Variants in MBTPS2 observed in about 807,000 individuals in gnomAD.
MBTPS2 encodes the protein membrane-bound transcription factor site-2 protease.
Under a neutral mutation model 35.4 loss-of-function variants are expected in MBTPS2, and 2 were observed. The observed-to-expected ratio is 0.06, with a 90% confidence interval of 0.02 to 0.18. The LOEUF is 0.18. MBTPS2 is among the 10% of genes least tolerant of loss of function. The probability of loss-of-function intolerance (pLI) is 1.00; values close to 1 mark genes in which losing one functional copy is unlikely to be tolerated. For missense variants in MBTPS2, 244 were observed against 386.5 expected, an observed-to-expected ratio of 0.63 and a Z score of 3.09; for synonymous variants, 125 against 140.4, an observed-to-expected ratio of 0.89 and a Z score of 0.77.
At chrX:21,865,962 T>G (rs1023930266) in intron 5 of MBTPS2, among the ~76,000 whole-genome samples, 4 of 111,431 alleles carry the variant, frequency 3.6e-5, no homozygotes, top group Non-Finnish European at 7.5e-5. Flanking sequence ...TTTTGTTTGT[T>G]TGTTTGTTTT....
Position 21,883,255 on chromosome X carries a change from TG to T in MBTPS2, c.*601del, listed in dbSNP as rs771208532. 1.3e-6 allele frequency: 1 copy of T among 756,465 alleles called. No homozygotes were observed. The highest frequency in any genetic ancestry group is 1.5e-4 in the East Asian group (1 of 6,796). The allele number at this position is 756,465 out of a possible 1,213,427, so 62.3% of individuals were successfully genotyped here. A position where few individuals can be genotyped will look rare whatever the true frequency, so the allele number is the denominator to read the frequency against. ...TCTTTGTCAAATGATACCAAATAAA[TG>T]AACAAAACAGGAAGTAGGGCCTATG... On this transcript the variant is annotated 3_prime_UTR_variant, in exon 11 of 11. Transcript: ENST00000379484.
intron 2 of MBTPS2, among the ~76,000 whole-genome samples, chrX:21,844,506 C>G (rs963911897): frequency 1.9e-4 from 21 of 111,564 alleles, no homozygotes; most frequent in Non-Finnish European, 2.3e-4. Context: ...ACAGTGGGAC[C>G]CTGTCTCAAA....
intron 5 of MBTPS2, among the ~76,000 whole-genome samples, chrX:21,864,852 GT>G (rs1298436063): frequency 1.6e-3 from 161 of 103,833 alleles, no homozygotes; most frequent in Non-Finnish European, 2.3e-3. Context: ...TATGTAATAG[GT>G]TTTTTTCTTT....
chrX:21,856,561 A>G (rs1167493043), intron 5 of MBTPS2: 6 of 1,209,915 alleles, frequency 5.0e-6, no homozygotes, highest in Non-Finnish European at 6.7e-6. Flanking sequence ...CACGACATCA[A>G]TGTGGAGCCC....
At position 21,882,275 on chromosome X, in the gene MBTPS2, A is replaced by G. The variant is rs371042996; in HGVS notation, c.1338-158A>G. Among the ~76,000 whole-genome samples, 4 of 108,605 alleles carry G rather than the reference A, an allele frequency of 3.7e-5. No homozygotes were observed. In the East Asian group the frequency reaches 1.2e-3, roughly 32 times the overall value. 94.3% of individuals were successfully genotyped at this position (108,605 alleles called of 115,157 possible). On this transcript the variant is annotated intron_variant, in intron 10 of 10. Coordinates refer to ENST00000379484, the MANE Select transcript of MBTPS2 (RefSeq NM_015884.4). The stretch of plus-strand genomic sequence containing the variant: ...AAATAATATAAACTCATTTTTTTTA[A>G]GTAGTAGAGATCTAAGAAGGAATGG...
intron 5 of MBTPS2, chrX:21,857,199 A>G (rs759747672): frequency 2.5e-6 from 3 of 1,211,900 alleles, no homozygotes; most frequent in Non-Finnish European, 3.3e-6. Context: ...GGCAGAATTT[A>G]CTAAAGTGAA....
intron 2 of MBTPS2, among the ~76,000 whole-genome samples, chrX:21,844,288 G>A (rs933339460): frequency 2.7e-5 from 3 of 111,058 alleles, no homozygotes; most frequent in East Asian, 2.8e-4. Flanking sequence ...CGAGATGGGC[G>A]GATTGCTTCA....
chrX:21,882,946 T>C lies in MBTPS2; in HGVS notation c.*291T>C. The C allele has an allele frequency of 1.0e-6, 1 of 965,711 alleles. No individual in the cohort carries two copies. Among genetic ancestry groups the C allele is most frequent in the South Asian group, 3.0e-5 (1 of 33,819 alleles). The allele number at this position is 965,711 out of a possible 1,213,427, so 79.6% of individuals were successfully genotyped here. A position where few individuals can be genotyped will look rare whatever the true frequency, so the allele number is the denominator to read the frequency against. On this transcript the variant is annotated 3_prime_UTR_variant, in exon 11 of 11. Coordinates refer to ENST00000379484, the MANE Select transcript of MBTPS2 (RefSeq NM_015884.4). ...AGTGCAAATTCATGTAATACCGTTTTGTCTGATTACATATTGTGTTGAAAT... is the reference window on the plus strand; with the variant it reads ...AGTGCAAATTCATGTAATACCGTTTCGTCTGATTACATATTGTGTTGAAAT...
intron 5 of MBTPS2, among the ~76,000 whole-genome samples, chrX:21,867,441 G>A (rs890458519): frequency 9.0e-6 from 1 of 110,533 alleles, no homozygotes; most frequent in African/African-American, 3.3e-5. Flanking sequence ...CAAATGGTAA[G>A]AGATTTAAAT....
In MBTPS2 at chrX:21,883,056, A is replaced by G; in HGVS notation, c.*401A>G. 8.6e-6 allele frequency: 7 copies of G among 817,141 alleles called. No homozygotes were observed. The highest frequency in any genetic ancestry group is 1.0e-5 in the Non-Finnish European group (7 of 677,665). The allele number at this position is 817,141 out of a possible 1,213,427, so 67.3% of individuals were successfully genotyped here. A position where few individuals can be genotyped will look rare whatever the true frequency, so the allele number is the denominator to read the frequency against. ...CATTAATCAAAATTTGAAGGAGACC[A>G]GACTTTGGCCAAGTGGAAGGATGAC... On this transcript the variant is annotated 3_prime_UTR_variant, in exon 11 of 11. Coordinates refer to ENST00000379484, the MANE Select transcript of MBTPS2 (RefSeq NM_015884.4).
rs190035678 is a variant in MBTPS2, at chrX:21,881,850, C to T, written c.1338-583C>T. On this transcript the variant is annotated intron_variant, in intron 10 of 10. Coordinates refer to ENST00000379484, the MANE Select transcript of MBTPS2 (RefSeq NM_015884.4). ...ACTCAGGAGGTTGAGACAGGAGAATCGCTTGAACCCGGGAGGCAGAGGTTG... is the reference window on the plus strand; with the variant it reads ...ACTCAGGAGGTTGAGACAGGAGAATTGCTTGAACCCGGGAGGCAGAGGTTG... 7.4e-3 allele frequency among the ~76,000 whole-genome samples: 822 copies of T among 110,868 alleles called. 7 individuals are homozygous for T. The highest frequency in any genetic ancestry group is 0.026 in the African/African-American group (780 of 30,460).
In MBTPS2 at chrX:21,878,531, C is replaced by T; in HGVS notation, c.1100C>T (p.Ala367Val). Residue 367 changes from alanine (A) to valine (V), a missense_variant, in exon 9 of 11, where the codon GCA becomes GTA. Transcript: ENST00000379484. Reference sequence around the variant, plus strand: ...CTTCCTGCCCGGAAAGCAGTTGAAGCAACTCAAGTTTGCAGAACCAATAAA... The same window carrying T: ...CTTCCTGCCCGGAAAGCAGTTGAAGTAACTCAAGTTTGCAGAACCAATAAA... ...TCLPARKAVE[A>V]TQVCRTNKDC... 8.3e-7 allele frequency: 1 copy of T among 1,209,442 alleles called. No individual in the cohort carries two copies. The highest frequency in any genetic ancestry group is 1.1e-6 in the Non-Finnish European group (1 of 893,344).
rs201543922 is a variant in MBTPS2, at chrX:21,878,182, A to G, written c.1065+46A>G. The G allele has an allele frequency of 1.0e-5, 9 of 897,518 alleles. No homozygotes were observed. The Admixed American group carries it at 2.0e-4, about 20-fold the overall frequency. 74.0% of individuals were successfully genotyped at this position (897,518 alleles called of 1,213,427 possible). Reference sequence around the variant, plus strand: ...TCTTGCTTGTCTGATATAATTACTAAAAAATAAGCATATAGAGCTAAAATG... The same window carrying G: ...TCTTGCTTGTCTGATATAATTACTAGAAAATAAGCATATAGAGCTAAAATG... On this transcript the variant is annotated intron_variant, in intron 8 of 10. Coordinates refer to ENST00000379484, the MANE Select transcript of MBTPS2 (RefSeq NM_015884.4).
At chrX:21,862,675 G>A (rs1310240204) in intron 5 of MBTPS2, among the ~76,000 whole-genome samples, 1 of 104,871 alleles carries the variant, frequency 9.5e-6, no homozygotes, top group Non-Finnish European at 2.0e-5. Context: ...GCCGGGCGTG[G>A]TGGGGGGCGC....
chrX:21,844,414 G>A (rs904284748), intron 2 of MBTPS2, among the ~76,000 whole-genome samples: 7 of 111,522 alleles, frequency 6.3e-5, no homozygotes, highest in Non-Finnish European at 1.1e-4. Context: ...TTGGGAGGCT[G>A]AGTTGGGAGG....
In MBTPS2 at chrX:21,884,092, T is replaced by C; in HGVS notation, c.*1437T>C. 3 of 743,269 alleles carry C rather than the reference T, an allele frequency of 4.0e-6. No homozygotes were observed. Among genetic ancestry groups the C allele is most frequent in the Non-Finnish European group, 4.8e-6 (3 of 629,170 alleles). The allele number at this position is 743,269 out of a possible 1,213,427, so 61.3% of individuals were successfully genotyped here. A position where few individuals can be genotyped will look rare whatever the true frequency, so the allele number is the denominator to read the frequency against. ...TGAGTTGCTCTGTAAGCACTAAAACTTTTTAATCATTTTTAAGAAACTTTT... is the reference window on the plus strand; with the variant it reads ...TGAGTTGCTCTGTAAGCACTAAAACCTTTTAATCATTTTTAAGAAACTTTT... On this transcript the variant is annotated 3_prime_UTR_variant, in exon 11 of 11. Transcript: ENST00000379484.
intron 10 of MBTPS2, among the ~76,000 whole-genome samples, chrX:21,881,222 T>G (rs1330189155): frequency 1.8e-5 from 2 of 112,138 alleles, no homozygotes; most frequent in Admixed American, 9.5e-5. Flanking sequence ...AATTGAGAAT[T>G]GAATTTACAA....
intron 1 of MBTPS2, among the ~76,000 whole-genome samples, chrX:21,841,105 T>A (rs757277529): frequency 8.9e-6 from 1 of 111,791 alleles, no homozygotes; most frequent in East Asian, 2.8e-4. Flanking sequence ...GTGACTCCTC[T>A]GCACCTGTTT....
chrX:21,846,824 G>C (rs2147430335), intron 3 of MBTPS2, among the ~76,000 whole-genome samples: 1 of 112,216 alleles, frequency 8.9e-6, no homozygotes, highest in South Asian at 3.7e-4. Context: ...GATACAGGTA[G>C]GGTCTAGGTT....
Sources: gnomAD v4.1 joint callset for allele counts (sites outside exome capture counted in the v4.1 genomes callset) on GRCh38, gnomAD v4.1.1 for gene constraint, MANE v1.5 for transcripts, NCBI Gene and HGNC (gene_info 2026-07-23, HGNC 2026-07-21) for gene names.